The following ZFHX3 variants were observed in gnomAD, a reference collection of about 807,000 sequenced individuals.
ZFHX3 encodes zinc finger homeobox protein 3.
ZFHX3 carries 42 observed loss-of-function variants against 279.1 expected under a neutral mutation model. The observed-to-expected ratio is 0.15, with a 90% CI of 0.12 to 0.19. The LOEUF is 0.19. Ranked by LOEUF, ZFHX3 falls within the 10% of genes least tolerant of loss-of-function variation. ZFHX3 has a pLI of 1.00. For missense variants in ZFHX3, 4,981 were observed against 4,754.0 expected (o/e 1.05, Z -1.40); for synonymous variants, 2,293 against 1,957.8 (o/e 1.17, Z -4.52).
At chr16:72,969,071 G>A (rs1486924412) in intron 1 of ZFHX3, among the ~76,000 whole-genome samples, 1 of 152,228 alleles carries the variant, frequency 6.6e-6, no homozygotes, top group South Asian at 2.1e-4. Flanking sequence ...AAACTTCCCT[G>A]TACACTTGAA....
intron 7 of ZFHX3, among the ~76,000 whole-genome samples, chr16:73,116,306 C>T (rs943473489): frequency 1.3e-5 from 2 of 152,012 alleles, no homozygotes; most frequent in African/African-American, 4.8e-5. Flanking sequence ...CTGACTACCT[C>T]ATTAATGGGG....
At chr16:73,154,340 C>T (rs1413332080) in intron 5 of ZFHX3, among the ~76,000 whole-genome samples, 1 of 152,174 alleles carries the variant, frequency 6.6e-6, no homozygotes, top group Non-Finnish European at 1.5e-5. Flanking sequence ...GAGATCATGT[C>T]TCCCATCTGT....
At chr16:73,184,915 G>A (rs897206674) in intron 5 of ZFHX3, among the ~76,000 whole-genome samples, 2 of 152,140 alleles carry the variant, frequency 1.3e-5, no homozygotes, top group African/African-American at 4.8e-5. Flanking sequence ...TAGGAACCAG[G>A]CTGGTGAGAT....
chr16:72,842,872 G>A (rs1301004900), intron 4 of ZFHX3, among the ~76,000 whole-genome samples: 1 of 152,122 alleles, frequency 6.6e-6, no homozygotes, highest in Non-Finnish European at 1.5e-5. Context: ...CTTGAAGACA[G>A]GTAACTTGAA....
At position 73,890,228 on chromosome 16, in the gene ZFHX3, TA is replaced by T. The variant is rs1299346436; in HGVS notation, c.-1608+1422del. Among the ~76,000 whole-genome samples, 145 of 84,222 alleles carry T rather than the reference TA, an allele frequency of 1.7e-3. 2 individuals carry two copies. Among genetic ancestry groups the T allele is most frequent in the African/African-American group, 6.3e-3 (138 of 22,002 alleles). 55.3% of individuals were successfully genotyped at this position (84,222 alleles called of 152,430 possible). ...TTTTCTTCTTGTAATTGTAAGAGTG[TA>T]AAAAAAAAACCAAAAAAAAAAAAAA... On this transcript the variant is annotated intron_variant, in intron 1 of 17. Transcript: ENST00000641206.
intron 1 of ZFHX3, among the ~76,000 whole-genome samples, chr16:73,760,138 C>T (rs2053849419): frequency 6.6e-6 from 1 of 151,608 alleles, no homozygotes; most frequent in South Asian, 2.1e-4. Context: ...ACAGAAATAC[C>T]ATCAGAGAAT....
intron 5 of ZFHX3, among the ~76,000 whole-genome samples, chr16:73,187,493 G>GATA (rs1031750723): frequency 3.9e-5 from 6 of 152,166 alleles, no homozygotes; most frequent in African/African-American, 1.4e-4. Context: ...GCCGAGATGA[G>GATA]ATAATGTTTT....
At chr16:73,058,638 G>C (rs1445701993) in exon 1 of ZFHX3, 2 of 237,606 alleles carry the variant, frequency 8.4e-6, no homozygotes, top group Non-Finnish European at 1.6e-5. Context: ...GGGCCGCGGA[G>C]CCCATCAAGG....
At chr16:73,234,670 G>T (rs759006974) in intron 5 of ZFHX3, among the ~76,000 whole-genome samples, 31 of 152,198 alleles carry the variant, frequency 2.0e-4, no homozygotes, top group Non-Finnish European at 3.2e-4. Context: ...GATCGGCCAT[G>T]ACCGGTGTGT....
At chr16:72,822,621 A>C (rs1354051389) in intron 5 of ZFHX3, among the ~76,000 whole-genome samples, 3 of 152,242 alleles carry the variant, frequency 2.0e-5, no homozygotes, top group Non-Finnish European at 4.4e-5. Flanking sequence ...GGCAAGATTA[A>C]CATGGCCACT....
At chr16:73,692,802 C>T (rs1280500649) in intron 1 of ZFHX3, among the ~76,000 whole-genome samples, 3 of 152,174 alleles carry the variant, frequency 2.0e-5, no homozygotes, top group East Asian at 1.9e-4. Context: ...GACACTTAAT[C>T]GTCTAATTAT....
At chr16:73,594,033 C>G (rs1208307404) in intron 2 of ZFHX3, among the ~76,000 whole-genome samples, 3 of 152,052 alleles carry the variant, frequency 2.0e-5, no homozygotes, top group Non-Finnish European at 2.9e-5. Flanking sequence ...CTGGAGGTCA[C>G]AGCCACTGCA....
intron 4 of ZFHX3, among the ~76,000 whole-genome samples, chr16:73,258,376 G>A (rs536736701): frequency 6.7e-6 from 1 of 149,374 alleles, no homozygotes; most frequent in African/African-American, 2.6e-5. Flanking sequence ...CTGAGACAGG[G>A]TCTCGCTCTG....
chr16:73,100,668 C>G (rs575724522), intron 7 of ZFHX3, among the ~76,000 whole-genome samples: 1 of 151,686 alleles, frequency 6.6e-6, no homozygotes, highest in South Asian at 2.1e-4. Flanking sequence ...CCACCTCTGC[C>G]TCCTGGGTAA....
At chr16:72,829,041 G>T (rs1039755387) in intron 5 of ZFHX3, among the ~76,000 whole-genome samples, 1 of 151,306 alleles carries the variant, frequency 6.6e-6, no homozygotes, top group Admixed American at 6.6e-5. Flanking sequence ...TGTCGCGCAG[G>T]CTGGAGTGCA....
intron 3 of ZFHX3, among the ~76,000 whole-genome samples, chr16:73,445,075 C>G (rs537530272): frequency 1.3e-5 from 2 of 150,934 alleles, no homozygotes; most frequent in African/African-American, 4.9e-5. Flanking sequence ...GCGGAGGTTA[C>G]AGTGAGCGGA....
chr16:73,300,609 T>C (rs1346756588), intron 4 of ZFHX3, among the ~76,000 whole-genome samples: 1 of 152,226 alleles, frequency 6.6e-6, no homozygotes, highest in Non-Finnish European at 1.5e-5. Flanking sequence ...GTTCAGGTGA[T>C]GCTCATGCCT....
intron 2 of ZFHX3, among the ~76,000 whole-genome samples, chr16:73,550,026 G>A (rs923643097): frequency 6.6e-6 from 1 of 151,998 alleles, no homozygotes. Flanking sequence ...CTGTTCAGAC[G>A]GGCGAGGGGT....
intron 1 of ZFHX3, among the ~76,000 whole-genome samples, chr16:73,738,776 C>A (rs1204419708): frequency 2.0e-5 from 3 of 152,170 alleles, no homozygotes; most frequent in African/African-American, 7.2e-5. Context: ...AGTTTGCACT[C>A]AAATTCATTC....
Sources: allele counts gnomAD v4.1 joint callset (sites outside exome capture counted in the v4.1 genomes callset), GRCh38; gene constraint gnomAD v4.1.1; transcripts MANE v1.5; gene names NCBI Gene and HGNC (gene_info 2026-07-23, HGNC 2026-07-21).